Variants in PALLD observed in about 807,000 individuals in gnomAD.
PALLD encodes palladin, cytoskeletal associated protein.
Under a neutral mutation model 123.5 loss-of-function variants are expected in PALLD, and 61 were observed. That is an observed-to-expected ratio of 0.49 (90% CI 0.40 to 0.61). The LOEUF (loss-of-function observed/expected upper bound fraction) is 0.61. Ranked by LOEUF, PALLD falls within the 20% of genes least tolerant of loss-of-function variation. PALLD has a pLI of 0.00. For missense variants in PALLD, 1,273 were observed against 1,377.0 expected, an observed-to-expected ratio of 0.92 and a Z score of 1.20; for synonymous variants, 465 against 496.4, an observed-to-expected ratio of 0.94 and a Z score of 0.84.
chr4:168,681,540 A>ATTTTTTTTTTT (rs34328020), intron 4 of PALLD, 142 bp downstream of exon 4: 127 of 340,344 alleles, frequency 3.7e-4, no homozygotes, highest in African/African-American at 8.2e-4. Context: ...TTGGAACACA[A>ATTTTTTTTTTT]TTTTTTTTTT....
chr4:168,802,470 A>G (rs1739485567), intron 10 of PALLD, among the ~76,000 whole-genome samples: 1 of 152,246 alleles, frequency 6.6e-6, no homozygotes, highest in African/African-American at 2.4e-5. Flanking sequence ...GAATTAACAC[A>G]AGAATGGAAA....
At chr4:168,578,889 C>A (rs1211255819) in intron 2 of PALLD, among the ~76,000 whole-genome samples, 1 of 152,074 alleles carries the variant, frequency 6.6e-6, no homozygotes, top group Non-Finnish European at 1.5e-5. Context: ...AAAGAGAACA[C>A]TGTTTGAGGC....
intron 10 of PALLD, among the ~76,000 whole-genome samples, chr4:168,797,177 A>G (rs1305732142): frequency 1.3e-5 from 2 of 151,694 alleles, no homozygotes. Context: ...GGCTTGAGGG[A>G]GACACAGTTG....
At chr4:168,804,238 A>G (rs771535192) in intron 10 of PALLD, among the ~76,000 whole-genome samples, 4 of 152,196 alleles carry the variant, frequency 2.6e-5, no homozygotes, top group Non-Finnish European at 5.9e-5. Context: ...TGCAACTAAC[A>G]TGCAGCACTT....
rs570229525 is a variant in PALLD, at chr4:168,558,782, G to A, written c.908+46370G>A. Among the ~76,000 whole-genome samples, 153 of 152,232 alleles carry A rather than the reference G, an allele frequency of 1.0e-3. 1 individual carries two copies. The highest frequency in any genetic ancestry group is 3.5e-3 in the African/African-American group (146 of 41,540). ...AGTGAAAATGGAATTTCTTTGGAAT[G>A]CCATTTATTGTCATGGTGCCAGGAG... On this transcript the variant is annotated intron_variant, in intron 2 of 21. Coordinates refer to ENST00000505667, the MANE Select transcript of PALLD (RefSeq NM_001166108.2).
intron 10 of PALLD, among the ~76,000 whole-genome samples, chr4:168,783,704 A>C (rs1173534394): frequency 6.6e-6 from 1 of 152,324 alleles, no homozygotes; most frequent in African/African-American, 2.4e-5. Flanking sequence ...TTCCTGACAA[A>C]GAATATATAA....
Position 168,924,382 on chromosome 4 carries a change from A to C in PALLD, c.3186A>C (p.Lys1062Asn). The change falls in exon 19 of 22, where the codon AAA becomes AAC. Residue 1062 changes from lysine (K) to asparagine (N), a missense_variant. Lys to Asn is a moderately conservative substitution (Grantham distance 94). Transcript: ENST00000505667. ...CACCACCTCAGATATTTTGGAAGAAAGAAAATGAATCACTCACTCACAGCA... is the reference window on the plus strand; with the variant it reads ...CACCACCTCAGATATTTTGGAAGAACGAAAATGAATCACTCACTCACAGCA... ...GVPPPQIFWKKENESLTHSTD... is the reference protein window; with the variant it reads ...GVPPPQIFWKNENESLTHSTD... 6 of 1,614,082 alleles carry C rather than the reference A, an allele frequency of 3.7e-6. No homozygotes were observed. The highest frequency in any genetic ancestry group is 5.1e-6 in the Non-Finnish European group (6 of 1,179,952).
intron 10 of PALLD, among the ~76,000 whole-genome samples, chr4:168,768,384 C>T (rs1263752605): frequency 6.6e-6 from 1 of 152,100 alleles, no homozygotes; most frequent in African/African-American, 2.4e-5. Flanking sequence ...TTACCCTGAA[C>T]CTGGAACACT....
At chr4:168,686,572 C>T (rs9968321) in intron 6 of PALLD, 18,210 of 152,242 alleles carry the variant, frequency 0.12, 1,326 homozygotes, top group African/African-American at 0.18. Flanking sequence ...TTTTTTATGC[C>T]TGCATAGTAT....
chr4:168,539,908 C>CGT (rs1346165253), intron 2 of PALLD, among the ~76,000 whole-genome samples: 9 of 152,138 alleles, frequency 5.9e-5, no homozygotes, highest in African/African-American at 2.2e-4. Context: ...TTGATCTGGT[C>CGT]ACCCAGGTAT....
At position 168,819,327 on chromosome 4, in the gene PALLD, TTGTGTGTGTG is replaced by T. The variant is rs3046003; in HGVS notation, c.1965-71568_1965-71559del. Among the ~76,000 whole-genome samples, 988 of 148,940 alleles carry T rather than the reference TTGTGTGTGTG, an allele frequency of 6.6e-3. 6 individuals carry two copies. The highest frequency in any genetic ancestry group is 0.01 in the Non-Finnish European group (692 of 67,104). ...GTAACTGCAGAGGCTCCGAGACCAT[TTGTGTGTGTG>T]TGTGTGTGTGTGTGTGTGTGTGTGT... On this transcript the variant is annotated intron_variant, in intron 10 of 21. Transcript: ENST00000505667.
At chr4:168,699,781 T>C (rs1184873801) in intron 8 of PALLD, among the ~76,000 whole-genome samples, 1 of 152,182 alleles carries the variant, frequency 6.6e-6, no homozygotes, top group Non-Finnish European at 1.5e-5. Flanking sequence ...TTATCACCAG[T>C]AAAAACAGTT....
chr4:168,846,067 ATGT>A (rs1218066807), intron 10 of PALLD, among the ~76,000 whole-genome samples: 1 of 152,198 alleles, frequency 6.6e-6, no homozygotes, highest in Admixed American at 6.5e-5. Context: ...CCTTAACTGA[ATGT>A]CATTTCAATA....
chr4:168,913,701 CA>C (rs932821016), intron 15 of PALLD, among the ~76,000 whole-genome samples: 1 of 151,406 alleles, frequency 6.6e-6, no homozygotes, highest in South Asian at 2.1e-4. Context: ...TTAAGAGTTC[CA>C]AAAAAAGACC....
At chr4:168,850,090 A>G (rs1008435664) in intron 10 of PALLD, among the ~76,000 whole-genome samples, 1 of 152,180 alleles carries the variant, frequency 6.6e-6, no homozygotes, top group South Asian at 2.1e-4. Flanking sequence ...AAAATGAAAG[A>G]TCTGATTTTA....
intron 1 of PALLD, among the ~76,000 whole-genome samples, chr4:168,503,450 C>G (rs886910774): frequency 6.6e-6 from 1 of 152,052 alleles, no homozygotes; most frequent in Non-Finnish European, 1.5e-5. Flanking sequence ...GAGATCGAGA[C>G]CATCCTGCTA....
At chr4:168,639,059 C>T (rs1302295912) in intron 2 of PALLD, among the ~76,000 whole-genome samples, 1 of 152,172 alleles carries the variant, frequency 6.6e-6, no homozygotes, top group Non-Finnish European at 1.5e-5. Flanking sequence ...TTTTCCCAGC[C>T]CATGACATTA....
Position 168,546,188 on chromosome 4 carries a change from C to T in PALLD, c.908+33776C>T, listed in dbSNP as rs568147837. On this transcript the variant is annotated intron_variant, in intron 2 of 21. Transcript: ENST00000505667. ...TTCATCTGAGAAACATATGGAGTTC[C>T]TGCAGGAAATATGAGAGGAAGAGAA... is the stretch of plus-strand genomic sequence containing the variant. Among the ~76,000 whole-genome samples the T allele has an allele frequency of 7.9e-5, 12 of 152,100 alleles. No individual in the cohort carries two copies. The South Asian group carries it at 2.5e-3, about 32-fold the overall frequency.
chr4:168,759,834 G>A (rs1422463859), intron 10 of PALLD, among the ~76,000 whole-genome samples: 2 of 151,888 alleles, frequency 1.3e-5, no homozygotes, highest in African/African-American at 4.8e-5. Context: ...GCAGTGGATC[G>A]CTTGAACCCA....
Sources: gnomAD v4.1 joint callset for allele counts (sites outside exome capture counted in the v4.1 genomes callset) on GRCh38, gnomAD v4.1.1 for gene constraint, MANE v1.5 for transcripts, NCBI Gene and HGNC (gene_info 2026-07-23, HGNC 2026-07-21) for gene names.